Variants in OSBPL6 observed in about 807,000 individuals in gnomAD.
The protein encoded by OSBPL6 is oxysterol-binding protein-related protein 6.
Under a neutral mutation model 125.8 loss-of-function variants are expected in OSBPL6, and 49 were observed. That is an observed-to-expected ratio of 0.39 (90% CI 0.31 to 0.49). OSBPL6 has a LOEUF of 0.49. OSBPL6 is among the 20% of genes least tolerant of loss of function. The pLI, the probability that OSBPL6 is intolerant of heterozygous loss-of-function variation, is 0.88. For synonymous variants in OSBPL6, 394 were observed against 391.8 expected (o/e 1.01, Z -0.07); for missense variants, 986 against 1,135.4 (o/e 0.87, Z 1.89).
chr2:178,338,043 GA>G (rs1041880358), intron 9 of OSBPL6, among the ~76,000 whole-genome samples: 1 of 149,262 alleles, frequency 6.7e-6, no homozygotes, highest in Admixed American at 7.0e-5. Flanking sequence ...CCTGGTTCAA[GA>G]GATTCTTCTG....
chr2:178,235,478 C>A (rs922499023), intron 1 of OSBPL6, among the ~76,000 whole-genome samples: 1 of 136,728 alleles, frequency 7.3e-6, no homozygotes, highest in Non-Finnish European at 1.5e-5. Context: ...GCAATCCTGG[C>A]TCACTGCAAC....
At chr2:178,209,862 G>GAA (rs1187159495) in intron 1 of OSBPL6, among the ~76,000 whole-genome samples, 1 of 139,684 alleles carries the variant, frequency 7.2e-6, no homozygotes. Flanking sequence ...CTACCATTAA[G>GAA]AAAAAAAAAA....
chr2:178,389,385 C>G (rs1695215753), intron 21 of OSBPL6, among the ~76,000 whole-genome samples: 2 of 152,074 alleles, frequency 1.3e-5, no homozygotes, highest in Non-Finnish European at 2.9e-5. Context: ...AAACACATGT[C>G]TTTTTAAAGA....
At chr2:178,233,849 G>C (rs1322926230) in intron 1 of OSBPL6, among the ~76,000 whole-genome samples, 1 of 152,118 alleles carries the variant, frequency 6.6e-6, no homozygotes, top group Non-Finnish European at 1.5e-5. Context: ...TCTGGCACAT[G>C]ATAATTCTTC....
At position 178,344,167 on chromosome 2, in the gene OSBPL6, A is replaced by C; in HGVS notation, c.987+4403A>C. The C allele has an allele frequency of 1.1e-5, 9 of 819,158 alleles. No individual in the cohort carries two copies. In the South Asian group the frequency reaches 1.5e-4, roughly 14 times the overall value. 50.7% of individuals were successfully genotyped at this position (819,158 alleles called of 1,614,324 possible). A position where few individuals can be genotyped will look rare whatever the true frequency, so the allele number is the denominator to read the frequency against. On this transcript the variant is annotated intron_variant, in intron 11 of 24. Transcript: ENST00000190611. ...AGCGCTTTTCGATGCTGATTTAAGA[A>C]AAGTCGACTTCAGTTAAAAACTCTC...
At chr2:178,280,877 G>T (rs972729651) in intron 1 of OSBPL6, among the ~76,000 whole-genome samples, 23 of 152,090 alleles carry the variant, frequency 1.5e-4, no homozygotes, top group African/African-American at 5.1e-4. Flanking sequence ...GTCAGAGATG[G>T]ATAGATTGCA....
intron 3 of OSBPL6, among the ~76,000 whole-genome samples, chr2:178,317,956 A>G (rs1270547449): frequency 2.6e-5 from 4 of 152,146 alleles, no homozygotes; most frequent in Non-Finnish European, 5.9e-5. Flanking sequence ...ATTTGTTTAT[A>G]ATTGCCGTAA....
At chr2:178,223,442 C>G (rs1432464450) in intron 1 of OSBPL6, among the ~76,000 whole-genome samples, 1 of 152,140 alleles carries the variant, frequency 6.6e-6, no homozygotes, top group Non-Finnish European at 1.5e-5. Context: ...GGATTCAAAT[C>G]TTGATTGAGA....
chr2:178,224,988 C>G (rs1486713742), intron 1 of OSBPL6, among the ~76,000 whole-genome samples: 2 of 124,124 alleles, frequency 1.6e-5, no homozygotes, highest in Admixed American at 9.0e-5. Flanking sequence ...TCTCTCTCTG[C>G]TTCTCTCTCT....
In OSBPL6 at chr2:178,336,330, C is replaced by A. The variant is rs1689680929; in HGVS notation, c.687C>A (p.Ser229=). 6.2e-7 allele frequency: 1 copy of A among 1,613,870 alleles called. No individual in the cohort carries two copies. The highest frequency in any genetic ancestry group is 1.3e-5 in the African/African-American group (1 of 74,870). The change falls in exon 9 of 25, where the codon TCC becomes TCA. Residue 229 remains serine (S), a synonymous_variant. Coordinates refer to ENST00000190611, the MANE Select transcript of OSBPL6 (RefSeq NM_032523.4). ...AACCAAACAGCTTTCCGTGGCAGTC[C>A]CCTTTACCATGCAGCAATAGCCTCC... ...KMQPNSFPWQ[S]PLPCSNSLPA...
At chr2:178,379,097 A>T (rs948061892) in intron 15 of OSBPL6, among the ~76,000 whole-genome samples, 8 of 152,030 alleles carry the variant, frequency 5.3e-5, no homozygotes, top group African/African-American at 1.4e-4. Flanking sequence ...CCTTGAGCCC[A>T]GGAGGGAAAG....
chr2:178,369,624 A>G (rs968201766), intron 13 of OSBPL6, among the ~76,000 whole-genome samples: 1 of 152,192 alleles, frequency 6.6e-6, no homozygotes, highest in Non-Finnish European at 1.5e-5. Context: ...AAAAGAATAA[A>G]TTATATTTAA....
intron 12 of OSBPL6, among the ~76,000 whole-genome samples, chr2:178,360,529 A>G (rs1476729585): frequency 6.6e-6 from 1 of 152,228 alleles, no homozygotes. Flanking sequence ...ACTTATATGT[A>G]TCTTATAACA....
chr2:178,372,818 C>T (rs1483988589), intron 14 of OSBPL6, among the ~76,000 whole-genome samples: 1 of 152,136 alleles, frequency 6.6e-6, no homozygotes, highest in Non-Finnish European at 1.5e-5. Context: ...CAACAACGCT[C>T]TGTTAGGTGG....
intron 15 of OSBPL6, among the ~76,000 whole-genome samples, chr2:178,378,628 AATACTTG>A (rs1367545887): frequency 6.6e-6 from 1 of 152,224 alleles, no homozygotes; most frequent in African/African-American, 2.4e-5. Context: ...TGTAAAGAGA[AATACTTG>A]GTTCCAGGAC....
At chr2:178,310,026 T>C (rs1050235508) in intron 3 of OSBPL6, among the ~76,000 whole-genome samples, 5 of 152,240 alleles carry the variant, frequency 3.3e-5, no homozygotes, top group African/African-American at 7.2e-5. Flanking sequence ...ACTTTTTATT[T>C]AACTGAGTAA....
intron 15 of OSBPL6, among the ~76,000 whole-genome samples, chr2:178,374,392 G>A (rs893159374): frequency 1.3e-5 from 2 of 152,198 alleles, no homozygotes; most frequent in African/African-American, 2.4e-5. Flanking sequence ...GGAAAGCACC[G>A]TTCATGCGCA....
chr2:178,331,489 A>G (rs1689190923), intron 5 of OSBPL6, 63 bp from the exon 6 acceptor site: 1 of 1,540,124 alleles, frequency 6.5e-7, no homozygotes, highest in Non-Finnish European at 9.0e-7. Context: ...TTAGACCCAC[A>G]TTTGTGAATG....
At chr2:178,345,289 C>T (rs1023208515) in intron 11 of OSBPL6, among the ~76,000 whole-genome samples, 3 of 152,146 alleles carry the variant, frequency 2.0e-5, no homozygotes, top group Non-Finnish European at 4.4e-5. Flanking sequence ...TATTTTAAGA[C>T]TAGAATTGCT....
Sources: allele counts gnomAD v4.1 joint callset (sites outside exome capture counted in the v4.1 genomes callset), GRCh38; gene constraint gnomAD v4.1.1; transcripts MANE v1.5; gene names NCBI Gene and HGNC (gene_info 2026-07-23, HGNC 2026-07-21).